Variants in ASPRV1 observed in about 807,000 individuals in gnomAD.
ASPRV1 encodes the protein retroviral-like aspartic protease 1.
ASPRV1 carries 7 observed loss-of-function variants against 11.0 expected under a neutral mutation model. The observed-to-expected ratio is 0.64, with a 90% CI of 0.36 to 1.20. The LOEUF is 1.20. Ranked by LOEUF, ASPRV1 falls within the 50% of genes most tolerant of loss-of-function variation. The pLI, the probability that ASPRV1 is intolerant of heterozygous loss-of-function variation, is 0.02. For synonymous variants in ASPRV1, 136 were observed against 138.4 expected (o/e 0.98, Z 0.12); for missense variants, 299 against 320.0 (o/e 0.93, Z 0.50).
At chr2:70,035,888 C>T in the ASPRV1 span, among the ~76,000 whole-genome samples, 3 of 151,346 alleles carry the variant, frequency 2.0e-5, no homozygotes, top group Admixed American at 2.0e-4. Flanking sequence ...TTTTATTTAA[C>T]TAACTCAAGC....
the ASPRV1 span, among the ~76,000 whole-genome samples, chr2:69,953,426 C>T: frequency 1.3e-5 from 2 of 152,340 alleles, no homozygotes; most frequent in Middle Eastern, 3.4e-3. Context: ...AAGACGGGGC[C>T]TCCTTGTGCC....
rs1003281019 is a variant in ASPRV1 at position 69,961,572 on chromosome 2, G to A, written c.-136C>T. ...GGATGACTTGCCCGGCCTTGGGCAA[G>A]CAGGAGGGAGCAGGCGCGGTCGGCT... On this transcript the variant is annotated 5_prime_UTR_variant, in exon 1 of 1. Transcript: ENST00000320256. 24 of 1,614,040 alleles carry A rather than the reference G, an allele frequency of 1.5e-5. No homozygotes were observed. Among genetic ancestry groups the A allele is most frequent in the Non-Finnish European group, 1.9e-5 (22 of 1,179,946 alleles).
At chr2:69,934,038 T>C in the ASPRV1 span, among the ~76,000 whole-genome samples, 1 of 152,224 alleles carries the variant, frequency 6.6e-6, no homozygotes, top group Non-Finnish European at 1.5e-5. Context: ...TCTAGTTGAA[T>C]AGATGACATA....
chr2:69,969,870 C>A, the ASPRV1 span, among the ~76,000 whole-genome samples: 3 of 152,036 alleles, frequency 2.0e-5, no homozygotes, highest in African/African-American at 7.2e-5. Context: ...GAGGTGCACA[C>A]CACCACATCT....
At chr2:69,937,174 G>T in the ASPRV1 span, 2 of 1,598,908 alleles carry the variant, frequency 1.3e-6, no homozygotes, top group Middle Eastern at 1.7e-4. Context: ...GAAGATGCGG[G>T]GGCCATTGCC....
the ASPRV1 span, among the ~76,000 whole-genome samples, chr2:69,948,978 C>A: frequency 2.0e-5 from 3 of 152,212 alleles, no homozygotes; most frequent in African/African-American, 7.2e-5. Context: ...CGGCGGACTG[C>A]GCTTCACTCA....
chr2:70,082,119 C>A, the ASPRV1 span, among the ~76,000 whole-genome samples: 3 of 151,790 alleles, frequency 2.0e-5, no homozygotes, highest in South Asian at 2.1e-4. Context: ...GGATTACAGG[C>A]ACGCACCATC....
At chr2:70,044,908 T>G in the ASPRV1 span, among the ~76,000 whole-genome samples, 26 of 152,208 alleles carry the variant, frequency 1.7e-4, no homozygotes, top group Non-Finnish European at 3.7e-4. Flanking sequence ...AGATTTTATG[T>G]AGATGATAGG....
the ASPRV1 span, among the ~76,000 whole-genome samples, chr2:70,079,611 A>T: frequency 2.0e-5 from 3 of 152,192 alleles, no homozygotes; most frequent in African/African-American, 7.2e-5. Flanking sequence ...AGGAGGAACC[A>T]GTGAGGCAGG....
chr2:69,953,002 G>T, the ASPRV1 span, among the ~76,000 whole-genome samples: 1 of 152,210 alleles, frequency 6.6e-6, no homozygotes, highest in African/African-American at 2.4e-5. Context: ...CAGGCCTTCT[G>T]CCCTGCCTCC....
the ASPRV1 span, among the ~76,000 whole-genome samples, chr2:70,016,678 T>C: frequency 6.6e-6 from 1 of 152,090 alleles, no homozygotes; most frequent in Non-Finnish European, 1.5e-5. Flanking sequence ...GACCCATCTC[T>C]ACTGAAAATA....
chr2:70,044,178 CTCT>C, the ASPRV1 span, among the ~76,000 whole-genome samples: 6 of 152,194 alleles, frequency 3.9e-5, no homozygotes, highest in East Asian at 1.9e-4. Context: ...TTCCTGGAGT[CTCT>C]TCATTTTTAA....
chr2:70,021,713 T>C, the ASPRV1 span, among the ~76,000 whole-genome samples: 2 of 151,774 alleles, frequency 1.3e-5, no homozygotes, highest in Admixed American at 1.3e-4. Flanking sequence ...AGAATACTTT[T>C]TTTTTTTTGA....
chr2:70,010,927 G>A, the ASPRV1 span, among the ~76,000 whole-genome samples: 8 of 152,178 alleles, frequency 5.3e-5, no homozygotes, highest in Non-Finnish European at 1.2e-4. Context: ...CCCACAGCCT[G>A]CACAGAGCCT....
At chr2:69,938,200 C>G in the ASPRV1 span, 1 of 1,614,178 alleles carries the variant, frequency 6.2e-7, no homozygotes, top group Non-Finnish European at 8.5e-7. Context: ...GCATGCAGAG[C>G]CTCGGCAGTG....
the ASPRV1 span, among the ~76,000 whole-genome samples, chr2:70,002,285 G>A: frequency 1.1e-4 from 16 of 152,268 alleles, no homozygotes; most frequent in African/African-American, 3.1e-4. Flanking sequence ...TTCTTGTGCT[G>A]CTGTTTTAAC....
the ASPRV1 span, among the ~76,000 whole-genome samples, chr2:69,992,401 T>C: frequency 6.6e-6 from 1 of 152,178 alleles, no homozygotes; most frequent in Non-Finnish European, 1.5e-5. Flanking sequence ...GACATACCCA[T>C]GGTATATCAC....
the ASPRV1 span, among the ~76,000 whole-genome samples, chr2:69,948,464 G>T: frequency 6.6e-6 from 1 of 152,218 alleles, no homozygotes; most frequent in Admixed American, 6.5e-5. Flanking sequence ...TGACCCCGTG[G>T]TTGCCAGATG....
the ASPRV1 span, chr2:70,083,817 G>C: frequency 1.3e-5 from 2 of 152,174 alleles, no homozygotes; most frequent in Non-Finnish European, 2.9e-5. Flanking sequence ...AGGACCCTTA[G>C]AGATCATTTA....
Sources: gnomAD v4.1 joint callset for allele counts (sites outside exome capture counted in the v4.1 genomes callset) on GRCh38, gnomAD v4.1.1 for gene constraint, MANE v1.5 for transcripts, NCBI Gene and HGNC (gene_info 2026-07-23, HGNC 2026-07-21) for gene names.